KCNIP4: variants seen among roughly 807,000 people sequenced by gnomAD.
KCNIP4 encodes potassium voltage-gated channel interacting protein 4.
A neutral mutation model predicts 34.0 loss-of-function variants in KCNIP4; 12 were observed. That is an observed-to-expected ratio of 0.35 (90% CI 0.23 to 0.57). The LOEUF is 0.57. Ranked by LOEUF, KCNIP4 falls within the 20% of genes least tolerant of loss-of-function variation. The probability of loss-of-function intolerance (pLI) is 0.83; values close to 1 mark genes in which losing one functional copy is unlikely to be tolerated. For synonymous variants in KCNIP4, 124 were observed against 102.2 expected, an observed-to-expected ratio of 1.21 and a Z score of -1.29; for missense variants, 238 against 311.7, an observed-to-expected ratio of 0.76 and a Z score of 1.78.
chr4:21,759,589 AT>A (rs1488474843), intron 1 of KCNIP4, among the ~76,000 whole-genome samples: 1 of 152,154 alleles, frequency 6.6e-6, no homozygotes, highest in East Asian at 1.9e-4. Context: ...GACCCTGAAT[AT>A]GTCTTTGACC....
chr4:20,769,540 C>T (rs1003415850), intron 3 of KCNIP4, among the ~76,000 whole-genome samples: 7 of 152,058 alleles, frequency 4.6e-5, no homozygotes, highest in Admixed American at 2.0e-4. Context: ...ACAATGGTGC[C>T]CTGGGACAAA....
intron 1 of KCNIP4, among the ~76,000 whole-genome samples, chr4:21,346,844 A>T (rs16870888): frequency 0.037 from 5,563 of 152,208 alleles, 239 homozygotes; most frequent in East Asian, 0.2. Context: ...AGATTTTCCA[A>T]GATAAAAAAG....
intron 3 of KCNIP4, among the ~76,000 whole-genome samples, chr4:20,800,965 G>T (rs1293990353): frequency 1.3e-5 from 2 of 152,086 alleles, no homozygotes; most frequent in African/African-American, 2.4e-5. Flanking sequence ...ACCCAAAGAG[G>T]TTCTCTCAAA....
At chr4:21,264,963 G>C (rs1761702273) in intron 1 of KCNIP4, among the ~76,000 whole-genome samples, 2 of 152,062 alleles carry the variant, frequency 1.3e-5, no homozygotes, top group South Asian at 4.1e-4. Flanking sequence ...GCCAGGCGTG[G>C]TGACTTGCGC....
At chr4:21,387,216 T>C (rs1560354802) in intron 1 of KCNIP4, among the ~76,000 whole-genome samples, 1 of 152,180 alleles carries the variant, frequency 6.6e-6, no homozygotes, top group Non-Finnish European at 1.5e-5. Flanking sequence ...ATTGTGTTTA[T>C]TGTGTATAGC....
chr4:20,756,171 G>GGA (rs1754412462), intron 4 of KCNIP4, among the ~76,000 whole-genome samples: 1 of 135,632 alleles, frequency 7.4e-6, no homozygotes, highest in African/African-American at 2.9e-5. Flanking sequence ...GTGGAAAGTA[G>GGA]TAAAAAAAAA....
chr4:21,637,559 G>T (rs1746287789), intron 1 of KCNIP4, among the ~76,000 whole-genome samples: 1 of 150,096 alleles, frequency 6.7e-6, no homozygotes, highest in South Asian at 2.1e-4. Flanking sequence ...GAGGCGGGTG[G>T]ATGGCTTGCG....
At chr4:21,089,644 C>G (rs1009838021) in intron 1 of KCNIP4, among the ~76,000 whole-genome samples, 5 of 152,118 alleles carry the variant, frequency 3.3e-5, no homozygotes, top group Non-Finnish European at 7.3e-5. Flanking sequence ...CTGGGAAAGG[C>G]CACAACTTCC....
intron 1 of KCNIP4, among the ~76,000 whole-genome samples, chr4:21,397,555 A>G (rs1723110826): frequency 6.6e-6 from 1 of 152,214 alleles, no homozygotes; most frequent in African/African-American, 2.4e-5. Context: ...AATTTTTTAA[A>G]AAGCATACCA....
chr4:21,694,926 A>T lies in KCNIP4; in HGVS notation c.61+253645T>A, dbSNP rs567139350. 1.3e-3 allele frequency among the ~76,000 whole-genome samples: 131 copies of T among 98,092 alleles called. 4 individuals are homozygous for T. Among genetic ancestry groups the T allele is most frequent in the African/African-American group, 3.2e-3 (83 of 25,644 alleles). The allele number at this position is 98,092 out of a possible 152,430, so 64.4% of individuals were successfully genotyped here. A position where few individuals can be genotyped will look rare whatever the true frequency, so the allele number is the denominator to read the frequency against. On this transcript the variant is annotated intron_variant, in intron 1 of 8. Coordinates refer to ENST00000382152, the MANE Select transcript of KCNIP4 (RefSeq NM_025221.6). ...TAACACGATTGACCAAAAAAAAAAA[A>T]AAAATAAAAATAAATAAATAAATAA...
At chr4:21,754,309 C>T (rs1717361672) in intron 1 of KCNIP4, among the ~76,000 whole-genome samples, 1 of 152,132 alleles carries the variant, frequency 6.6e-6, no homozygotes, top group Non-Finnish European at 1.5e-5. Flanking sequence ...TCTATACAGC[C>T]CTTACCACTA....
At chr4:21,710,698 T>G (rs1384817490) in intron 1 of KCNIP4, among the ~76,000 whole-genome samples, 1 of 152,184 alleles carries the variant, frequency 6.6e-6, no homozygotes, top group African/African-American at 2.4e-5. Flanking sequence ...TCTCAAGGAC[T>G]AAAGTTGGGC....
intron 1 of KCNIP4, among the ~76,000 whole-genome samples, chr4:21,874,330 G>C (rs543342942): frequency 1.3e-5 from 2 of 152,258 alleles, no homozygotes; most frequent in Admixed American, 1.3e-4. Flanking sequence ...AATCTCAGTT[G>C]CCTCTTCACA....
At position 21,645,395 on chromosome 4, in the gene KCNIP4, ATT is replaced by A. The variant is rs140998194; in HGVS notation, c.61+303174_61+303175del. On this transcript the variant is annotated intron_variant, in intron 1 of 8. Transcript: ENST00000382152. Reference sequence around the variant, plus strand: ...AATGGAGTTTCCTTAATAAATATACATTGTTATTATTCTCATTTAAGAGATAA... The same window carrying A: ...AATGGAGTTTCCTTAATAAATATACAGTTATTATTCTCATTTAAGAGATAA... 3.6e-3 allele frequency among the ~76,000 whole-genome samples: 549 copies of A among 152,302 alleles called. 3 individuals carry two copies. Among genetic ancestry groups the A allele is most frequent in the African/African-American group, 0.013 (526 of 41,576 alleles).
intron 1 of KCNIP4, among the ~76,000 whole-genome samples, chr4:21,529,182 G>A (rs1187625617): frequency 6.6e-6 from 1 of 152,104 alleles, no homozygotes; most frequent in African/African-American, 2.4e-5. Context: ...CATGGATTTG[G>A]CCCATAGACA....
In KCNIP4 at chr4:20,897,106, A is replaced by T. The variant is rs1225437306; in HGVS notation, c.62-14397T>A. ...AGCATTCACAAAGAACTAAACTAAA[A>T]GTAAATATTGTCCAGTTTTTGTTTC... On this transcript the variant is annotated intron_variant, in intron 1 of 8. Coordinates refer to ENST00000382152, the MANE Select transcript of KCNIP4 (RefSeq NM_025221.6). 2.0e-5 allele frequency among the ~76,000 whole-genome samples: 3 copies of T among 152,120 alleles called. No homozygotes were observed. In the East Asian group the frequency reaches 5.8e-4, roughly 29 times the overall value.
chr4:20,789,132 T>TG lies in KCNIP4; in HGVS notation c.289-30243dup, dbSNP rs560466898. ...GCAGTTGCAATGCTATTGCCCAGAG[T>TG]GGAAAAAAAGAAAAAGAAAAGGAGC... On this transcript the variant is annotated intron_variant, in intron 3 of 8. Coordinates refer to ENST00000382152, the MANE Select transcript of KCNIP4 (RefSeq NM_025221.6). Among the ~76,000 whole-genome samples the TG allele has an allele frequency of 3.1e-3, 470 of 152,108 alleles. 7 individuals are homozygous for TG. The highest frequency in any genetic ancestry group is 6.8e-4 in the Non-Finnish European group (46 of 68,002).
chr4:21,655,848 TATTG>T (rs1747880288), intron 1 of KCNIP4, among the ~76,000 whole-genome samples: 1 of 152,202 alleles, frequency 6.6e-6, no homozygotes, highest in African/African-American at 2.4e-5. Context: ...TTCTGCAAAA[TATTG>T]ATTATTATGA....
chr4:21,450,694 C>G (rs1335725399), intron 1 of KCNIP4, among the ~76,000 whole-genome samples: 2 of 152,044 alleles, frequency 1.3e-5, no homozygotes, highest in African/African-American at 4.8e-5. Flanking sequence ...CCTGATAGTT[C>G]AATGGATTTA....
Sources: allele counts gnomAD v4.1 joint callset (sites outside exome capture counted in the v4.1 genomes callset), GRCh38; gene constraint gnomAD v4.1.1; transcripts MANE v1.5; gene names NCBI Gene and HGNC (gene_info 2026-07-23, HGNC 2026-07-21).